The following VPS41 variants were observed in gnomAD, a reference collection of about 807,000 sequenced individuals.
VPS41 encodes the protein vacuolar protein sorting-associated protein 41 homolog.
Under a neutral mutation model 130.9 loss-of-function variants are expected in VPS41, and 85 were observed. That is an observed-to-expected ratio of 0.65 (90% CI 0.55 to 0.78). The LOEUF (loss-of-function observed/expected upper bound fraction) is 0.78, where lower values mean the gene tolerates loss of function less well. Ranked by LOEUF, VPS41 falls within the 30% of genes least tolerant of loss-of-function variation. The probability of loss-of-function intolerance (pLI) is 0.00; values close to 1 mark genes in which losing one functional copy is unlikely to be tolerated. For synonymous variants in VPS41, 335 were observed against 332.9 expected (o/e 1.01, Z -0.07); for missense variants, 874 against 1,018.7 (o/e 0.86, Z 1.93).
chr7:38,768,145 G>A (rs1290722059), intron 14 of VPS41, among the ~76,000 whole-genome samples: 1 of 152,144 alleles, frequency 6.6e-6, no homozygotes, highest in African/African-American at 2.4e-5. Flanking sequence ...CTGAAAGCAG[G>A]GAAGTGACTG....
chr7:38,737,404 T>C (rs991605172), intron 25 of VPS41, among the ~76,000 whole-genome samples: 1 of 151,894 alleles, frequency 6.6e-6, no homozygotes, highest in Non-Finnish European at 1.5e-5. Context: ...AAACAAAACT[T>C]CATAACCCTA....
chr7:38,802,585 A>G (rs1784752035), intron 7 of VPS41, among the ~76,000 whole-genome samples: 1 of 152,294 alleles, frequency 6.6e-6, no homozygotes, highest in South Asian at 2.1e-4. Context: ...GTGAATTTCA[A>G]GCAGAAACAT....
chr7:38,744,754 G>A (rs892071769), intron 23 of VPS41, among the ~76,000 whole-genome samples: 11 of 152,118 alleles, frequency 7.2e-5, no homozygotes, highest in Admixed American at 7.2e-4. Flanking sequence ...TGCTATAACT[G>A]GACAGTTCTG....
chr7:38,771,001 T>G (rs186617394), intron 14 of VPS41, among the ~76,000 whole-genome samples, 197 bp downstream of exon 14: 2 of 152,228 alleles, frequency 1.3e-5, no homozygotes, highest in East Asian at 3.9e-4. Flanking sequence ...TAAAACTGCC[T>G]CCTAGCAGGT....
intron 1 of VPS41, 48 bp downstream of exon 1, chr7:38,909,106 C>T (rs768217496): frequency 1.2e-6 from 2 of 1,613,054 alleles, no homozygotes; most frequent in East Asian, 2.2e-5. Flanking sequence ...AACAGCCCAC[C>T]CTAGTCTCTA....
intron 4 of VPS41, among the ~76,000 whole-genome samples, chr7:38,844,312 C>T (rs1363379184): frequency 6.6e-6 from 1 of 152,170 alleles, no homozygotes; most frequent in African/African-American, 2.4e-5. Flanking sequence ...AATATAAAAT[C>T]ATTACTTTAA....
In VPS41 at chr7:38,886,285, T is replaced by C. The variant is rs189570614; in HGVS notation, c.60+11806A>G. Among the ~76,000 whole-genome samples, 18 of 152,322 alleles carry C rather than the reference T, an allele frequency of 1.2e-4. No individual in the cohort carries two copies. In the East Asian group the frequency reaches 2.1e-3, roughly 18 times the overall value. On this transcript the variant is annotated intron_variant, in intron 2 of 28. Transcript: ENST00000310301. ...AGTGACTGTACCTGGAGGAACGGTA[T>C]ACTCCTGCCCAAATACTGTGCTTTT...
intron 27 of VPS41, among the ~76,000 whole-genome samples, chr7:38,728,139 T>G (rs568960325): frequency 1.3e-5 from 2 of 152,278 alleles, no homozygotes; most frequent in Non-Finnish European, 2.9e-5. Flanking sequence ...ATGCTGATGG[T>G]TAGTTTTCAT....
rs192988590 is a variant in VPS41 at position 38,833,392 on chromosome 7, G to A, written c.247-3064C>T. On this transcript the variant is annotated intron_variant, in intron 4 of 28. Transcript: ENST00000310301. ...AGAAATAAGCCAAGATTTTTACTAC[G>A]ACCTGACAGTCCTAAATTATCTGGC... Among the ~76,000 whole-genome samples the A allele has an allele frequency of 2.3e-3, 356 of 152,222 alleles. 1 individual carries two copies. The highest frequency in any genetic ancestry group is 8.0e-3 in the African/African-American group (332 of 41,550).
intron 3 of VPS41, among the ~76,000 whole-genome samples, chr7:38,862,935 A>AATTAAATT (rs1786151947): frequency 6.6e-6 from 1 of 152,224 alleles, no homozygotes; most frequent in Non-Finnish European, 1.5e-5. Flanking sequence ...TGCAGCGGTG[A>AATTAAATT]AAACACGACC....
At chr7:38,777,963 T>A (rs925107484) in intron 10 of VPS41, among the ~76,000 whole-genome samples, 1 of 152,256 alleles carries the variant, frequency 6.6e-6, no homozygotes, top group African/African-American at 2.4e-5. Context: ...TTCTTTCCCT[T>A]GCAGATTACT....
intron 2 of VPS41, among the ~76,000 whole-genome samples, chr7:38,869,604 T>G (rs13228087): frequency 0.64 from 96,966 of 151,946 alleles, 32,714 homozygotes; most frequent in East Asian, 0.89. Flanking sequence ...ATAATGGCCT[T>G]GAATTAATAA....
intron 13 of VPS41, among the ~76,000 whole-genome samples, 177 bp from the exon 14 acceptor site, chr7:38,771,431 T>C (rs753992213): frequency 3.3e-5 from 5 of 152,210 alleles, no homozygotes; most frequent in Non-Finnish European, 5.9e-5. Flanking sequence ...GCTTGAAGCA[T>C]TGGAATTGTT....
rs976123597 is a variant in VPS41, at chr7:38,882,254, G to C, written c.61-13001C>G. On this transcript the variant is annotated intron_variant, in intron 2 of 28. Transcript: ENST00000310301. ...CTCAGCAGCATTTGACACAATGATG[G>C]TGTCCTTCATCCAGAGACGGGATCC... 3.9e-5 allele frequency among the ~76,000 whole-genome samples: 6 copies of C among 152,138 alleles called. No individual in the cohort carries two copies. The South Asian group carries it at 1.2e-3, about 32-fold the overall frequency.
chr7:38,899,389 TA>T (rs555981732), intron 1 of VPS41, among the ~76,000 whole-genome samples: 64 of 151,988 alleles, frequency 4.2e-4, no homozygotes, highest in Non-Finnish European at 8.8e-4. Context: ...TAGCACTACA[TA>T]AAAAAAACAA....
chr7:38,756,727 A>G, intron 19 of VPS41, 111 bp downstream of exon 19: 1 of 826,516 alleles, frequency 1.2e-6, no homozygotes, highest in Non-Finnish European at 1.8e-6. Context: ...TGTCGGCATA[A>G]AGCCAAGTTA....
intron 23 of VPS41, 46 bp from the exon 24 acceptor site, chr7:38,743,588 A>G (rs1181688846): frequency 2.5e-5 from 39 of 1,588,220 alleles, no homozygotes; most frequent in Non-Finnish European, 3.2e-5. Context: ...AAGGTATTTT[A>G]ATAATTTTTT....
intron 9 of VPS41, among the ~76,000 whole-genome samples, chr7:38,791,631 G>A (rs1182696986): frequency 6.6e-6 from 1 of 152,114 alleles, no homozygotes; most frequent in Non-Finnish European, 1.5e-5. Flanking sequence ...ACGGTGATAT[G>A]ACAGCATAGG....
rs946663681 is a variant in VPS41, at chr7:38,724,333, A to G, written c.*1913T>C. The G allele has an allele frequency of 6.6e-6, 1 of 152,228 alleles. No homozygotes were observed. Among genetic ancestry groups the G allele is most frequent in the African/African-American group, 2.4e-5 (1 of 41,456 alleles). The allele number at this position is 152,228 out of a possible 1,614,324, so 9.4% of individuals were successfully genotyped here. Reference sequence around the variant, plus strand: ...TAAATGTAATAAACTGAATCTGTAAATTGGTAATGTTGAAAAGAAAAAACA... The same window carrying G: ...TAAATGTAATAAACTGAATCTGTAAGTTGGTAATGTTGAAAAGAAAAAACA... On this transcript the variant is annotated 3_prime_UTR_variant, in exon 29 of 29. Coordinates refer to ENST00000310301, the MANE Select transcript of VPS41 (RefSeq NM_014396.4).
Sources: gnomAD v4.1 joint callset for allele counts (sites outside exome capture counted in the v4.1 genomes callset) on GRCh38, gnomAD v4.1.1 for gene constraint, MANE v1.5 for transcripts, NCBI Gene and HGNC (gene_info 2026-07-23, HGNC 2026-07-21) for gene names.